PTPRK: variants seen among roughly 807,000 people sequenced by gnomAD.
PTPRK encodes the protein protein tyrosine phosphatase receptor type K.
PTPRK carries 75 observed loss-of-function variants against 178.0 expected under a neutral mutation model. The observed-to-expected ratio is 0.42, with a 90% CI of 0.35 to 0.51. The LOEUF (loss-of-function observed/expected upper bound fraction) is 0.51, where lower values mean the gene tolerates loss of function less well. Among genes scored for constraint, PTPRK ranks in the 20% least tolerant of loss-of-function variants. PTPRK has a pLI of 0.02. For missense variants in PTPRK, 1,441 were observed against 1,797.8 expected (o/e 0.80, Z 3.59); for synonymous variants, 637 against 620.6 (o/e 1.03, Z -0.39).
At chr6:128,477,740 AT>A (rs1851549551) in intron 1 of PTPRK, among the ~76,000 whole-genome samples, 1 of 152,184 alleles carries the variant, frequency 6.6e-6, no homozygotes, top group Admixed American at 6.6e-5. Context: ...GATTAAAAAA[AT>A]GTAGAGAGAA....
chr6:128,414,336 G>A (rs1021944157), intron 1 of PTPRK, among the ~76,000 whole-genome samples: 4 of 152,118 alleles, frequency 2.6e-5, no homozygotes, highest in Non-Finnish European at 4.4e-5. Flanking sequence ...AATGATGAGC[G>A]TCTCCATCGC....
At chr6:128,516,650 T>C (rs1858077992) in intron 1 of PTPRK, among the ~76,000 whole-genome samples, 1 of 152,128 alleles carries the variant, frequency 6.6e-6, no homozygotes. Flanking sequence ...TACAGCATTC[T>C]AAGTGCACAT....
At chr6:128,506,694 C>T (rs1478328616) in intron 1 of PTPRK, among the ~76,000 whole-genome samples, 1 of 148,240 alleles carries the variant, frequency 6.7e-6, no homozygotes, top group Non-Finnish European at 1.5e-5. Context: ...TATTATAAGT[C>T]ACTGTAACCT....
intron 1 of PTPRK, among the ~76,000 whole-genome samples, chr6:128,466,688 G>C (rs1394771575): frequency 6.6e-6 from 1 of 152,138 alleles, no homozygotes; most frequent in Non-Finnish European, 1.5e-5. Context: ...AATATACAAT[G>C]TTGCACACAA....
At chr6:128,292,535 T>C (rs1476117138) in intron 3 of PTPRK, among the ~76,000 whole-genome samples, 1 of 152,124 alleles carries the variant, frequency 6.6e-6, no homozygotes, top group Non-Finnish European at 1.5e-5. Flanking sequence ...TTATTTTAGA[T>C]TTATTTTCCC....
rs979542930 is a variant in PTPRK at position 128,376,622 on chromosome 6, G to C, written c.223+20944C>G. Among the ~76,000 whole-genome samples the C allele has an allele frequency of 1.3e-4, 20 of 152,158 alleles. 1 individual carries two copies. Among genetic ancestry groups the C allele is most frequent in the African/African-American group, 4.6e-4 (19 of 41,432 alleles). The stretch of plus-strand genomic sequence containing the variant: ...ATTACTTATGCAAATTTCTGCAGCA[G>C]GCTTGAATTTCTACTCAGAAAATGA... On this transcript the variant is annotated intron_variant, in intron 2 of 29. Transcript: ENST00000368226.
intron 3 of PTPRK, among the ~76,000 whole-genome samples, chr6:128,319,125 T>C (rs573698333): frequency 6.6e-6 from 1 of 152,212 alleles, no homozygotes; most frequent in African/African-American, 2.4e-5. Context: ...TTAAGAAAAA[T>C]ACACAGTACA....
At chr6:128,494,072 C>A (rs1048192774) in intron 1 of PTPRK, among the ~76,000 whole-genome samples, 1 of 152,042 alleles carries the variant, frequency 6.6e-6, no homozygotes, top group Admixed American at 6.5e-5. Flanking sequence ...TGTCTGTGGT[C>A]CAACTACCTG....
At chr6:128,507,724 C>A (rs531886973) in intron 1 of PTPRK, among the ~76,000 whole-genome samples, 1 of 152,264 alleles carries the variant, frequency 6.6e-6, no homozygotes, top group South Asian at 2.1e-4. Context: ...GCCAAACAAC[C>A]AGGGATTATG....
At chr6:128,234,340 G>A (rs994967282) in intron 5 of PTPRK, among the ~76,000 whole-genome samples, 31 of 152,056 alleles carry the variant, frequency 2.0e-4, no homozygotes, top group African/African-American at 7.5e-4. Context: ...CCTCATTTGT[G>A]TCTTATTCAG....
At chr6:128,045,576 G>A (rs1202962643) in intron 13 of PTPRK, among the ~76,000 whole-genome samples, 1 of 151,746 alleles carries the variant, frequency 6.6e-6, no homozygotes, top group East Asian at 1.9e-4. Context: ...AAAGAAAAAT[G>A]ACCACTCCAC....
intron 16 of PTPRK, among the ~76,000 whole-genome samples, chr6:127,998,474 T>C (rs751722984): frequency 1.3e-5 from 2 of 151,960 alleles, no homozygotes; most frequent in Non-Finnish European, 2.9e-5. Context: ...TAAAATAAAT[T>C]ACGGAATCCA....
At chr6:128,325,775 T>C (rs1023298588) in intron 2 of PTPRK, among the ~76,000 whole-genome samples, 1 of 152,144 alleles carries the variant, frequency 6.6e-6, no homozygotes, top group Non-Finnish European at 1.5e-5. Flanking sequence ...TCCTCAAGGA[T>C]CTAAAACTAG....
chr6:128,372,207 T>G (rs560469437), intron 2 of PTPRK, among the ~76,000 whole-genome samples: 29 of 152,084 alleles, frequency 1.9e-4, no homozygotes, highest in African/African-American at 7.0e-4. Flanking sequence ...TCAAATAGAG[T>G]TTTTCAGAAA....
intron 1 of PTPRK, among the ~76,000 whole-genome samples, chr6:128,435,102 A>AAGGAAGGC (rs1356964112): frequency 1.7e-3 from 120 of 70,324 alleles, no homozygotes; most frequent in Non-Finnish European, 2.3e-3. Context: ...GGAAGGAAGG[A>AAGGAAGGC]AGGAAGGCAG....
chr6:128,311,136 CAAAA>C (rs1274023886), intron 3 of PTPRK, among the ~76,000 whole-genome samples: 1 of 151,974 alleles, frequency 6.6e-6, no homozygotes, highest in Non-Finnish European at 1.5e-5. Context: ...CCTTTCATAA[CAAAA>C]AAATAAATCT....
chr6:128,480,163 T>C lies in PTPRK; in HGVS notation c.100+40096A>G, dbSNP rs73772037. Among the ~76,000 whole-genome samples the C allele has an allele frequency of 8.2e-3, 1,250 of 152,266 alleles. 14 individuals are homozygous for C. The highest frequency in any genetic ancestry group is 0.029 in the African/African-American group (1,208 of 41,542). Reference sequence around the variant, plus strand: ...GTGAGCTCATTGTTCTCATCCACTTTCTGTTCTAATGACAGCCTGACTGTG... The same window carrying C: ...GTGAGCTCATTGTTCTCATCCACTTCCTGTTCTAATGACAGCCTGACTGTG... On this transcript the variant is annotated intron_variant, in intron 1 of 29. Transcript: ENST00000368226.
At chr6:128,388,371 G>C (rs1839068636) in intron 2 of PTPRK, among the ~76,000 whole-genome samples, 1 of 152,120 alleles carries the variant, frequency 6.6e-6, no homozygotes, top group Non-Finnish European at 1.5e-5. Flanking sequence ...AAAGACATAA[G>C]AAAAAATCTG....
intron 2 of PTPRK, among the ~76,000 whole-genome samples, chr6:128,392,663 T>C (rs530092465): frequency 2.0e-4 from 30 of 152,264 alleles, no homozygotes; most frequent in Non-Finnish European, 4.1e-4. Flanking sequence ...ATGCAACAGC[T>C]CTTATTCTCT....
Sources: allele counts gnomAD v4.1 joint callset (sites outside exome capture counted in the v4.1 genomes callset), GRCh38; gene constraint gnomAD v4.1.1; transcripts MANE v1.5; gene names NCBI Gene and HGNC (gene_info 2026-07-23, HGNC 2026-07-21).